Variants in GALNT13 observed in about 807,000 individuals in gnomAD.
GALNT13 encodes UDP-GalNAc:polypeptide N-acetylgalactosaminyltransferase 13.
In GALNT13, 28 loss-of-function variants were observed where a neutral mutation model predicts 64.2. That is an observed-to-expected ratio of 0.44 (90% CI 0.32 to 0.60). The LOEUF (loss-of-function observed/expected upper bound fraction) is 0.60, where lower values mean the gene tolerates loss of function less well. GALNT13 is among the 20% of genes least tolerant of loss of function. GALNT13 has a pLI of 0.05. For synonymous variants in GALNT13, 214 were observed against 224.6 expected, an observed-to-expected ratio of 0.95 and a Z score of 0.42; for missense variants, 577 against 669.8, an observed-to-expected ratio of 0.86 and a Z score of 1.53.
chr2:154,239,538 T>C (rs866600310), intron 4 of GALNT13, among the ~76,000 whole-genome samples: 1 of 152,114 alleles, frequency 6.6e-6, no homozygotes. Context: ...CCTCTCTCAT[T>C]TACCAAGATG....
At chr2:154,276,533 G>A (rs1167750449) in intron 8 of GALNT13, among the ~76,000 whole-genome samples, 1 of 152,180 alleles carries the variant, frequency 6.6e-6, no homozygotes, top group Non-Finnish European at 1.5e-5. Context: ...ACCAGGCCCT[G>A]TCAGACTGTG....
intron 11 of GALNT13, among the ~76,000 whole-genome samples, chr2:154,429,480 T>C (rs1021150941): frequency 6.6e-6 from 1 of 152,222 alleles, no homozygotes; most frequent in Non-Finnish European, 1.5e-5. Context: ...TCTAATTCTA[T>C]GATGGGTGAG....
chr2:153,981,387 C>T (rs1352857742), intron 3 of GALNT13, among the ~76,000 whole-genome samples: 2 of 152,012 alleles, frequency 1.3e-5, no homozygotes, highest in Non-Finnish European at 2.9e-5. Flanking sequence ...CCATAACAGG[C>T]CCTGGTGTGT....
intron 9 of GALNT13, among the ~76,000 whole-genome samples, chr2:154,345,426 A>G (rs1696017025): frequency 6.6e-6 from 1 of 152,094 alleles, no homozygotes; most frequent in Non-Finnish European, 1.5e-5. Flanking sequence ...ACTTTCTGTG[A>G]TAATGAAAAT....
the GALNT13 span, among the ~76,000 whole-genome samples, chr2:153,653,558 C>A: frequency 6.6e-6 from 1 of 151,956 alleles, no homozygotes; most frequent in Non-Finnish European, 1.5e-5. Flanking sequence ...AAAACAAAAA[C>A]AAGACAAGGG....
chr2:154,081,669 C>G (rs1043348759), intron 3 of GALNT13, among the ~76,000 whole-genome samples: 1 of 151,702 alleles, frequency 6.6e-6, no homozygotes, highest in Admixed American at 6.6e-5. Context: ...ATATATTCCC[C>G]CATACTACTG....
intron 12 of GALNT13, among the ~76,000 whole-genome samples, chr2:154,439,452 G>T: frequency 6.6e-6 from 1 of 150,922 alleles, no homozygotes; most frequent in Non-Finnish European, 1.5e-5. Context: ...AAATGAATTG[G>T]TTGTCTGTGT....
rs180821770 is a variant in GALNT13 at position 154,315,352 on chromosome 2, T to C, written c.1156+13763T>C. ...GCAGTAAATCTTCAATAGGGAAGAATGCTAGACAATGGATCCAAGCTGGGA... is the reference window on the plus strand; with the variant it reads ...GCAGTAAATCTTCAATAGGGAAGAACGCTAGACAATGGATCCAAGCTGGGA... On this transcript the variant is annotated intron_variant, in intron 9 of 12. Coordinates refer to ENST00000392825, the MANE Select transcript of GALNT13 (RefSeq NM_052917.4). Among the ~76,000 whole-genome samples, 187 of 152,328 alleles carry C rather than the reference T, an allele frequency of 1.2e-3. 2 individuals carry two copies. Among genetic ancestry groups the C allele is most frequent in the African/African-American group, 4.4e-3 (184 of 41,580 alleles).
At chr2:153,307,621 A>G in the GALNT13 span, among the ~76,000 whole-genome samples, 4 of 152,148 alleles carry the variant, frequency 2.6e-5, no homozygotes, top group African/African-American at 9.6e-5. Flanking sequence ...TGCAGTGTAA[A>G]TTGTGGCTAT....
chr2:154,448,103 A>G (rs1029600237), intron 12 of GALNT13, among the ~76,000 whole-genome samples: 17 of 152,148 alleles, frequency 1.1e-4, no homozygotes, highest in Admixed American at 1.1e-3. Flanking sequence ...TTATCCTCAC[A>G]GAAGATGATG....
chr2:153,834,106 T>C, the GALNT13 span, among the ~76,000 whole-genome samples: 2 of 152,096 alleles, frequency 1.3e-5, no homozygotes, highest in African/African-American at 4.8e-5. Context: ...TTCACCCCCT[T>C]GTAAGGAAAT....
At chr2:153,193,277 T>A in the GALNT13 span, among the ~76,000 whole-genome samples, 1 of 151,634 alleles carries the variant, frequency 6.6e-6, no homozygotes, top group Non-Finnish European at 1.5e-5. Flanking sequence ...CCATAAAAAA[T>A]GATGAGTTCA....
At chr2:153,896,908 T>G (rs955033679) in intron 1 of GALNT13, among the ~76,000 whole-genome samples, 10 of 152,344 alleles carry the variant, frequency 6.6e-5, no homozygotes, top group African/African-American at 2.2e-4. Context: ...TGACATACTT[T>G]CAAATGTACA....
intron 9 of GALNT13, among the ~76,000 whole-genome samples, chr2:154,345,837 T>A (rs1416587907): frequency 1.3e-5 from 2 of 152,102 alleles, no homozygotes; most frequent in Non-Finnish European, 2.9e-5. Flanking sequence ...CTCATTCACT[T>A]CTTTAGCAAT....
At chr2:153,758,302 GT>G in the GALNT13 span, among the ~76,000 whole-genome samples, 49,997 of 143,008 alleles carry the variant, frequency 0.35, 8,643 homozygotes, top group African/African-American at 0.39. Flanking sequence ...AATAAATGGG[GT>G]TTTTTTTTTT....
At chr2:153,726,176 A>G in the GALNT13 span, among the ~76,000 whole-genome samples, 1 of 152,238 alleles carries the variant, frequency 6.6e-6, no homozygotes, top group Non-Finnish European at 1.5e-5. Context: ...CAGAAAAATT[A>G]CAGAAATGTG....
chr2:154,439,780 G>A (rs1701188859), intron 12 of GALNT13, among the ~76,000 whole-genome samples: 1 of 152,070 alleles, frequency 6.6e-6, no homozygotes, highest in South Asian at 2.1e-4. Flanking sequence ...GTTGTGCAGG[G>A]TTAATTTTGG....
chr2:153,877,398 G>A (rs910239293), intron 1 of GALNT13, among the ~76,000 whole-genome samples: 6 of 152,064 alleles, frequency 3.9e-5, no homozygotes, highest in East Asian at 3.9e-4. Context: ...ATTGGTGAAC[G>A]TAATGCATGT....
At chr2:154,072,931 A>G (rs935547131) in intron 3 of GALNT13, among the ~76,000 whole-genome samples, 6 of 152,030 alleles carry the variant, frequency 3.9e-5, no homozygotes, top group African/African-American at 1.2e-4. Context: ...TGACTTCAGG[A>G]TATTAATGTG....
Sources: allele counts gnomAD v4.1 joint callset (sites outside exome capture counted in the v4.1 genomes callset), GRCh38; gene constraint gnomAD v4.1.1; transcripts MANE v1.5; gene names NCBI Gene and HGNC (gene_info 2026-07-23, HGNC 2026-07-21).